The following ADAMTSL3 variants were observed in gnomAD, a reference collection of about 807,000 sequenced individuals.
ADAMTSL3 encodes ADAMTS like 3.
In ADAMTSL3, 128 loss-of-function variants were observed where a neutral mutation model predicts 201.7. That is an observed-to-expected ratio of 0.63 (90% CI 0.55 to 0.73). The LOEUF is 0.73. Ranked by LOEUF, ADAMTSL3 falls within the 30% of genes least tolerant of loss-of-function variation. The probability of loss-of-function intolerance (pLI) is 0.00; values close to 1 mark genes in which losing one functional copy is unlikely to be tolerated. For missense variants in ADAMTSL3, 1,990 were observed against 2,119.6 expected, an observed-to-expected ratio of 0.94 and a Z score of 1.20; for synonymous variants, 738 against 748.4, an observed-to-expected ratio of 0.99 and a Z score of 0.23.
intron 19 of ADAMTSL3, chr15:83,962,207 GA>G (rs767138492): frequency 6.6e-6 from 1 of 152,302 alleles, no homozygotes; most frequent in East Asian, 1.9e-4. Context: ...CTTCTGCCAT[GA>G]TTGTGAGGCT....
intron 3 of ADAMTSL3, among the ~76,000 whole-genome samples, chr15:83,742,816 C>T (rs1047001608): frequency 2.0e-4 from 31 of 152,090 alleles, no homozygotes; most frequent in Non-Finnish European, 1.8e-4. Context: ...TCACCTTCTT[C>T]GGTCTGTGTT....
chr15:83,968,396 T>C (rs1033200793), intron 19 of ADAMTSL3, among the ~76,000 whole-genome samples: 17 of 152,218 alleles, frequency 1.1e-4, no homozygotes, highest in African/African-American at 4.1e-4. Flanking sequence ...AAAGGAGACA[T>C]TTATGCGGCC....
In ADAMTSL3 at chr15:83,654,704, GACCGGGAC is replaced by G. The variant is rs1227526050; in HGVS notation, c.-34+429_-34+436del. ...GATCGTGGAAAGTGGGCGTGGGGGT[GACCGGGAC>G]GCGGCGGAGGCACTGGAGGAGCGAC... On this transcript the variant is annotated intron_variant, in intron 1 of 29. Coordinates refer to ENST00000286744, the MANE Select transcript of ADAMTSL3 (RefSeq NM_207517.3). This position sits in a 1 kb window ranked among gnomAD's most constrained non-coding sequence, Gnocchi z 5.3. Among the ~76,000 whole-genome samples, 7 of 152,130 alleles carry G rather than the reference GACCGGGAC, an allele frequency of 4.6e-5. No individual in the cohort carries two copies. Among genetic ancestry groups the G allele is most frequent in the Non-Finnish European group, 5.9e-5 (4 of 68,016 alleles).
chr15:83,917,887 G>A lies in ADAMTSL3; in HGVS notation c.1987+4509G>A, dbSNP rs548237664. 6.6e-5 allele frequency among the ~76,000 whole-genome samples: 10 copies of A among 152,268 alleles called. No homozygotes were observed. In the South Asian group the frequency reaches 2.1e-3, roughly 32 times the overall value. On this transcript the variant is annotated intron_variant, in intron 16 of 29. Coordinates refer to ENST00000286744, the MANE Select transcript of ADAMTSL3 (RefSeq NM_207517.3). ...TATTAAATAAGGTGATGTTCAAAGA[G>A]TGTTTAATCACAGTGTGTGGTACAC... is the stretch of plus-strand genomic sequence containing the variant.
At chr15:84,014,843 T>G (rs2068063150) in intron 24 of ADAMTSL3, 119 bp downstream of exon 24, 1 of 991,884 alleles carries the variant, frequency 1.0e-6, no homozygotes, top group African/African-American at 1.7e-5. Flanking sequence ...TTTTAACCAT[T>G]GCTGCCACTG....
At position 83,780,812 on chromosome 15, in the gene ADAMTSL3, C is replaced by T. The variant is rs2063156391; in HGVS notation, c.317+7162C>T. ...AATCATTAACATTCTTATACACCAA[C>T]AGTCAAGCCAGGAGCCAAATCAGGA... On this transcript the variant is annotated intron_variant, in intron 4 of 29. Transcript: ENST00000286744. 2.0e-5 allele frequency among the ~76,000 whole-genome samples: 3 copies of T among 152,140 alleles called. 1 individual carries two copies. Among genetic ancestry groups the T allele is most frequent in the East Asian group, 3.8e-4 (2 of 5,198 alleles).
chr15:83,658,259 C>T (rs2061118565), intron 2 of ADAMTSL3, among the ~76,000 whole-genome samples: 1 of 152,154 alleles, frequency 6.6e-6, no homozygotes, highest in African/African-American at 2.4e-5. Flanking sequence ...CAGGCGCACA[C>T]TACCACATCC....
chr15:83,976,951 A>T (rs964479470), intron 20 of ADAMTSL3, among the ~76,000 whole-genome samples: 2 of 152,108 alleles, frequency 1.3e-5, no homozygotes, highest in African/African-American at 4.8e-5. Context: ...TTGGGATGGG[A>T]TAGGGTAGGG....
chr15:83,864,404 G>C (rs1596329147), intron 8 of ADAMTSL3, among the ~76,000 whole-genome samples: 1 of 152,144 alleles, frequency 6.6e-6, no homozygotes, highest in Admixed American at 6.6e-5. Context: ...ACATCAAAAA[G>C]CTTATCCACC....
chr15:83,763,018 C>G (rs1232346853), intron 3 of ADAMTSL3, among the ~76,000 whole-genome samples: 3 of 152,092 alleles, frequency 2.0e-5, no homozygotes, highest in Non-Finnish European at 4.4e-5. Flanking sequence ...TCCTGAGTAA[C>G]TGGGACTACA....
chr15:83,960,508 C>T (rs1041931371), intron 19 of ADAMTSL3, among the ~76,000 whole-genome samples: 4 of 151,784 alleles, frequency 2.6e-5, no homozygotes, highest in South Asian at 2.1e-4. Context: ...TGAAGTACCT[C>T]GGAAAAAAAA....
chr15:83,677,490 T>A (rs192873971), intron 2 of ADAMTSL3, among the ~76,000 whole-genome samples: 17 of 152,274 alleles, frequency 1.1e-4, no homozygotes, highest in African/African-American at 3.4e-4. Flanking sequence ...TTCCTATGTC[T>A]TCTTGGTGGT....
chr15:83,800,442 G>A (rs1157449310), intron 4 of ADAMTSL3, among the ~76,000 whole-genome samples: 1 of 152,120 alleles, frequency 6.6e-6, no homozygotes, highest in African/African-American at 2.4e-5. Context: ...TGGCAATGGA[G>A]TGTAGACCAT....
chr15:83,898,820 G>T (rs1334214099), intron 14 of ADAMTSL3, among the ~76,000 whole-genome samples: 1 of 152,084 alleles, frequency 6.6e-6, no homozygotes, highest in East Asian at 1.9e-4. Flanking sequence ...ACTCTCTTTT[G>T]TTATTTCTGG....
At chr15:83,751,695 T>C (rs995613530) in intron 3 of ADAMTSL3, among the ~76,000 whole-genome samples, 3 of 152,208 alleles carry the variant, frequency 2.0e-5, no homozygotes, top group African/African-American at 7.2e-5. Context: ...GCAGCATCTT[T>C]AATAAATGCA....
chr15:83,859,852 A>C (rs555331298), intron 8 of ADAMTSL3, among the ~76,000 whole-genome samples: 1 of 152,326 alleles, frequency 6.6e-6, no homozygotes, highest in Non-Finnish European at 1.5e-5. Flanking sequence ...ACCAAATTTT[A>C]TGTCAAATAA....
chr15:83,717,527 A>C (rs888077687), intron 3 of ADAMTSL3: 3 of 152,228 alleles, frequency 2.0e-5, no homozygotes, highest in African/African-American at 7.2e-5. Flanking sequence ...AGTTTTAAAA[A>C]AGACCAGTTA....
intron 2 of ADAMTSL3, among the ~76,000 whole-genome samples, chr15:83,658,006 T>C (rs2061114540): frequency 6.6e-6 from 1 of 152,206 alleles, no homozygotes; most frequent in African/African-American, 2.4e-5. Context: ...CCTTGCTTCG[T>C]ATGTGCTGCC....
At chr15:83,997,091 G>A (rs1254872092) in intron 23 of ADAMTSL3, among the ~76,000 whole-genome samples, 1 of 152,168 alleles carries the variant, frequency 6.6e-6, no homozygotes, top group Non-Finnish European at 1.5e-5. Flanking sequence ...AGTCAAAGAT[G>A]CTCAAAACCA....
Sources: gnomAD v4.1 joint callset for allele counts (sites outside exome capture counted in the v4.1 genomes callset) on GRCh38, gnomAD v4.1.1 for gene constraint, Gnocchi (gnomAD v3.1) non-coding constraint, MANE v1.5 for transcripts, NCBI Gene and HGNC (gene_info 2026-07-23, HGNC 2026-07-21) for gene names.